Variants in DNAJC13 observed in about 807,000 individuals in gnomAD.
DNAJC13 encodes the protein DnaJ heat shock protein family (Hsp40) member C13.
Under a neutral mutation model 290.5 loss-of-function variants are expected in DNAJC13, and 75 were observed. The ratio of observed to expected loss-of-function variants is 0.26; its 90% confidence interval spans 0.21 to 0.31. DNAJC13 has a LOEUF of 0.31. DNAJC13 is among the 10% of genes least tolerant of loss of function. The pLI, the probability that DNAJC13 is intolerant of heterozygous loss-of-function variation, is 1.00. For missense variants in DNAJC13, 2,260 were observed against 2,674.5 expected, an observed-to-expected ratio of 0.85 and a Z score of 3.42; for synonymous variants, 862 against 892.0, an observed-to-expected ratio of 0.97 and a Z score of 0.60.
chr3:132,420,964 A>G (rs944341287), intron 1 of DNAJC13, among the ~76,000 whole-genome samples: 4 of 152,364 alleles, frequency 2.6e-5, no homozygotes, highest in Non-Finnish European at 5.9e-5. Flanking sequence ...CATTTTTTAA[A>G]AAGATAGGAG....
intron 5 of DNAJC13, among the ~76,000 whole-genome samples, chr3:132,448,926 G>A (rs990109132): frequency 6.6e-6 from 1 of 152,052 alleles, no homozygotes; most frequent in African/African-American, 2.4e-5. Flanking sequence ...ATTCTATATT[G>A]TCAGGTGACG....
chr3:132,503,153 T>G (rs1935474754), intron 40 of DNAJC13, 61 bp from the exon 41 acceptor site: 1 of 1,542,420 alleles, frequency 6.5e-7, no homozygotes, highest in African/African-American at 1.4e-5. Flanking sequence ...TCTGTAAAAT[T>G]ATAGTATTAC....
intron 22 of DNAJC13, among the ~76,000 whole-genome samples, chr3:132,476,144 G>T (rs564592375): frequency 4.2e-4 from 64 of 152,222 alleles, no homozygotes; most frequent in African/African-American, 1.5e-3. Flanking sequence ...ATGTTGCCCA[G>T]TCTGGCTTTT....
intron 22 of DNAJC13, 117 bp downstream of exon 22, chr3:132,475,202 T>C (rs1302633349): frequency 8.9e-6 from 6 of 675,522 alleles, no homozygotes; most frequent in Admixed American, 3.6e-5. Context: ...TTTCCCCCTT[T>C]AATGTTATGT....
intron 42 of DNAJC13, among the ~76,000 whole-genome samples, chr3:132,506,045 CTTTTT>C (rs573857472): frequency 2.9e-4 from 21 of 72,674 alleles, no homozygotes; most frequent in Admixed American, 8.4e-4. Flanking sequence ...TGTACATTAT[CTTTTT>C]TTTTTTTTTT....
At chr3:132,426,133 A>G (rs963208082) in intron 1 of DNAJC13, among the ~76,000 whole-genome samples, 2 of 152,232 alleles carry the variant, frequency 1.3e-5, no homozygotes, top group African/African-American at 4.8e-5. Context: ...AGTAGTATTC[A>G]TTGAGAGAGG....
chr3:132,537,263 G>A (rs1250783158), intron 55 of DNAJC13: 1 of 455,794 alleles, frequency 2.2e-6, no homozygotes. Flanking sequence ...GCTCTCTGAA[G>A]CAGGTAGAGA....
At position 132,525,665 on chromosome 3, in the gene DNAJC13, C is replaced by T; in HGVS notation, c.6116C>T (p.Pro2039Leu). Residue 2039 changes from proline (P) to leucine (L), a missense_variant, in exon 52 of 56, where the codon CCT (proline) becomes CTT (leucine). Coordinates refer to ENST00000260818, the MANE Select transcript of DNAJC13 (RefSeq NM_015268.4). The stretch of plus-strand genomic sequence containing the variant: ...ACAGTGTGTCTCTTCAGCGCACAAC[C>T]TCAGCTGGCAGATCAGGTCCCGCCA... ...MATVCLFSAQPQLADQVPPLG... is the reference protein window; with the variant it reads ...MATVCLFSAQLQLADQVPPLG... The T allele has an allele frequency of 6.2e-7, 1 of 1,614,198 alleles. No individual in the cohort carries two copies. Among genetic ancestry groups the T allele is most frequent in the Non-Finnish European group, 8.5e-7 (1 of 1,180,016 alleles).
chr3:132,517,805 T>C (rs1162267857), intron 48 of DNAJC13, among the ~76,000 whole-genome samples: 1 of 152,182 alleles, frequency 6.6e-6, no homozygotes, highest in African/African-American at 2.4e-5. Flanking sequence ...TTTACATTAA[T>C]AAAACAAATT....
chr3:132,419,994 C>T (rs1020692659), intron 1 of DNAJC13, among the ~76,000 whole-genome samples: 1 of 152,166 alleles, frequency 6.6e-6, no homozygotes, highest in African/African-American at 2.4e-5. Context: ...AAAAAAAGAC[C>T]TACACTACAA....
At chr3:132,480,722 A>G (rs541020466) in intron 26 of DNAJC13, among the ~76,000 whole-genome samples, 11 of 152,340 alleles carry the variant, frequency 7.2e-5, no homozygotes, top group Admixed American at 2.6e-4. Flanking sequence ...TCTTGAGGCA[A>G]TGTGACTTTT....
At chr3:132,531,455 A>G (rs746438376) in intron 55 of DNAJC13, among the ~76,000 whole-genome samples, 1 of 152,218 alleles carries the variant, frequency 6.6e-6, no homozygotes, top group Non-Finnish European at 1.5e-5. Context: ...ATCATTCCAT[A>G]TCTGTCAGAA....
At chr3:132,523,490 A>G (rs1936159652) in intron 50 of DNAJC13, 50 bp from the exon 51 acceptor site, 7 of 1,573,556 alleles carry the variant, frequency 4.4e-6, no homozygotes, top group Admixed American at 1.9e-5. Flanking sequence ...GTGCATTTCT[A>G]GCTTCAAGAT....
intron 55 of DNAJC13, among the ~76,000 whole-genome samples, chr3:132,536,865 T>G (rs1395857567): frequency 6.6e-6 from 1 of 152,124 alleles, no homozygotes; most frequent in African/African-American, 2.4e-5. Context: ...AGGAGAAATA[T>G]TTTTTGTAAG....
chr3:132,454,026 A>C (rs757465755), intron 8 of DNAJC13, 40 bp from the exon 9 acceptor site: 1 of 1,449,414 alleles, frequency 6.9e-7, no homozygotes, highest in South Asian at 1.3e-5. Context: ...TAAAACTATA[A>C]ACTTTTTTTT....
At chr3:132,445,345 A>G (rs1933211179) in intron 2 of DNAJC13, among the ~76,000 whole-genome samples, 1 of 152,130 alleles carries the variant, frequency 6.6e-6, no homozygotes, top group Non-Finnish European at 1.5e-5. Flanking sequence ...GTGTTTACCT[A>G]ATTGGTCACG....
At chr3:132,472,257 C>T (rs1355022772) in intron 20 of DNAJC13, among the ~76,000 whole-genome samples, 1 of 152,160 alleles carries the variant, frequency 6.6e-6, no homozygotes, top group Non-Finnish European at 1.5e-5. Context: ...AGGGCTGGAG[C>T]AGAGATTCTT....
chr3:132,478,042 T>G lies in DNAJC13; in HGVS notation c.2611T>G (p.Cys871Gly). The change falls in exon 24 of 56, where the codon TGT becomes GGT. Residue 871 changes from cysteine to glycine, a missense_variant. Transcript: ENST00000260818. ...GCTCACCCCAAAAGTAAACATGAAG[T>G]GTTTATGTTTACAAGCCCTTGCTAT... is the stretch of plus-strand genomic sequence containing the variant. ...FLLTPKVNMK[C>G]LCLQALAIVY... is the part of the protein sequence containing the mutation. The G allele has an allele frequency of 6.2e-7, 1 of 1,613,486 alleles. No homozygotes were observed. Among genetic ancestry groups the G allele is most frequent in the Middle Eastern group, 1.7e-4 (1 of 6,054 alleles).
At chr3:132,490,759 A>G (rs985875886) in intron 31 of DNAJC13, 138 bp from the exon 32 acceptor site, 1 of 901,296 alleles carries the variant, frequency 1.1e-6, no homozygotes, top group Non-Finnish European at 1.6e-6. Flanking sequence ...GTTTCCATCT[A>G]CATTCCCAAA....
Sources: allele counts gnomAD v4.1 joint callset (sites outside exome capture counted in the v4.1 genomes callset), GRCh38; gene constraint gnomAD v4.1.1; transcripts MANE v1.5; gene names NCBI Gene and HGNC (gene_info 2026-07-23, HGNC 2026-07-21).